The following SYT5 variants were observed in gnomAD, a reference collection of about 807,000 sequenced individuals.
SYT5 encodes synaptotagmin-5.
In SYT5, 29 loss-of-function variants were observed where a neutral mutation model predicts 36.0. That is an observed-to-expected ratio of 0.81 (90% CI 0.60 to 1.10). SYT5 has a LOEUF of 1.10. Ranked by LOEUF, SYT5 falls within the 50% of genes least tolerant of loss-of-function variation. The pLI is 0.00. For synonymous variants in SYT5, 231 were observed against 227.6 expected, an observed-to-expected ratio of 1.02 and a Z score of -0.14; for missense variants, 512 against 516.0, an observed-to-expected ratio of 0.99 and a Z score of 0.08.
rs1431436391 is a variant in SYT5 at position 55,175,648 on chromosome 19, C to G, written c.540+61G>C. ...CCAGGAAAAGCGGAAGGGGTCGGTC[C>G]CTAGTGTTCCAGGGACTGGGCACAG... On this transcript the variant is annotated intron_variant, in intron 5 of 8. Coordinates refer to ENST00000354308, the MANE Select transcript of SYT5 (RefSeq NM_003180.3). The surrounding 1 kb of genome is among the most constrained non-coding windows in gnomAD (Gnocchi z 4.5). The G allele has an allele frequency of 1.3e-5, 21 of 1,583,966 alleles. No individual in the cohort carries two copies. Among genetic ancestry groups the G allele is most frequent in the Non-Finnish European group, 1.8e-5 (21 of 1,162,610 alleles).
In SYT5 at chr19:55,173,606, C is replaced by G. The variant is rs762183194; in HGVS notation, c.1039G>C (p.Ala347Pro). The G allele has an allele frequency of 1.3e-6, 2 of 1,485,454 alleles. No homozygotes were observed. The highest frequency in any genetic ancestry group is 2.6e-5 in the South Asian group (2 of 76,934). The allele number at this position is 1,485,454 out of a possible 1,614,324, so 92.0% of individuals were successfully genotyped here. A position where few individuals can be genotyped will look rare whatever the true frequency, so the allele number is the denominator to read the frequency against. ...CGCAGGCCAGCCCCGCCGGCGGCCG[C>G]CCCCACGGCCACCCTCCCGATGGCC... is the stretch of plus-strand genomic sequence containing the variant. The part of the protein sequence containing the change: ...NEAIGRVAVG[A>P]AAGGAGLRHW... The change falls in exon 9 of 9, where the codon GCG becomes CCG. Residue 347 changes from alanine to proline, a missense_variant. By Grantham distance (27) the Ala-to-Pro change is conservative (BLOSUM62 -1). Transcript: ENST00000354308. The surrounding 1 kb of genome is among the most constrained non-coding windows in gnomAD (Gnocchi z 5.4).
Position 55,178,178 on chromosome 19 carries a change from G to A in SYT5, c.252+18C>T, listed in dbSNP as rs779382950. On this transcript the variant is annotated intron_variant, in intron 3 of 8. Coordinates refer to ENST00000354308, the MANE Select transcript of SYT5 (RefSeq NM_003180.3). Reference sequence around the variant, plus strand: ...GGTGCGGGAAGGGGCCAGGTGGAGGGGCTGGGCTGGGCCACACCTTGTCTA... The same window carrying A: ...GGTGCGGGAAGGGGCCAGGTGGAGGAGCTGGGCTGGGCCACACCTTGTCTA... 29 of 1,604,628 alleles carry A rather than the reference G, an allele frequency of 1.8e-5. No homozygotes were observed. In the East Asian group the frequency reaches 5.6e-4, roughly 31 times the overall value.
At position 55,175,804 on chromosome 19, in the gene SYT5, G is replaced by A. The variant is rs2086070149; in HGVS notation, c.445C>T (p.Arg149Trp). 1.2e-6 allele frequency: 2 copies of A among 1,614,138 alleles called. No individual in the cohort carries two copies. The highest frequency in any genetic ancestry group is 2.2e-5 in the East Asian group (1 of 44,872). ...CGTTTGTCCGGCAGCAGGTAGACCC[G>A]CACATAGGGGTCCGAGGAGCCACCA... is the stretch of plus-strand genomic sequence containing the variant. ...DLGGSSDPYV[R>W]VYLLPDKRRR... The change falls in exon 5 of 9, where the codon CGG (arginine) becomes TGG (tryptophan). Residue 149 changes from arginine to tryptophan, a missense_variant. Arg to Trp is a moderately radical substitution (Grantham distance 101). Coordinates refer to ENST00000354308, the MANE Select transcript of SYT5 (RefSeq NM_003180.3). This position sits in a 1 kb window ranked among gnomAD's most constrained non-coding sequence, Gnocchi z 4.5.
rs1210627028 is a variant in SYT5 at position 55,179,185 on chromosome 19, C to T, written c.-45-99G>A. ...TTTGCGCGAACAGCCGCGCAGAAAC[C>T]GGACAGCCACCGCGAGTCATGCTGG... On this transcript the variant is annotated intron_variant, in intron 1 of 8. Transcript: ENST00000354308. The surrounding 1 kb of genome is among the most constrained non-coding windows in gnomAD (Gnocchi z 4.5). 3.9e-6 allele frequency: 6 copies of T among 1,533,952 alleles called. No homozygotes were observed. In the Admixed American group the frequency reaches 1.2e-4, roughly 30 times the overall value.
chr19:55,173,509 C>T lies in SYT5; in HGVS notation c.1136G>A (p.Arg379Gln), dbSNP rs990595392. The T allele has an allele frequency of 2.9e-6, 4 of 1,378,040 alleles. No individual in the cohort carries two copies. The highest frequency in any genetic ancestry group is 7.5e-5 in the Admixed American group (2 of 26,646). 85.4% of individuals were successfully genotyped at this position (1,378,040 alleles called of 1,614,324 possible). The change falls in exon 9 of 9, where the codon CGA becomes CAA. Residue 379 changes from arginine (R) to glutamine (Q), a missense_variant. By Grantham distance (43) the Arg-to-Gln change is conservative (BLOSUM62 1). Coordinates refer to ENST00000354308, the MANE Select transcript of SYT5 (RefSeq NM_003180.3). The surrounding 1 kb of genome is among the most constrained non-coding windows in gnomAD (Gnocchi z 5.4). ...TCAGGGCGCAGGCAGCAGCCTCACTCGGTCCGGGGGCCGCAGCGAGTGCCA... is the reference window on the plus strand; with the variant it reads ...TCAGGGCGCAGGCAGCAGCCTCACTTGGTCCGGGGGCCGCAGCGAGTGCCA... ...AQWHSLRPPD[R>Q]VRLLPAP is the part of the protein sequence containing the mutation.
At position 55,173,946 on chromosome 19, in the gene SYT5, G is replaced by T. The variant is rs1367915797; in HGVS notation, c.961-262C>A. ...ACTCGGTTGCGGAGCGGGTGTGTTC[G>T]GCGCCTCCTGGGGGAGCAGCCTCCT... On this transcript the variant is annotated intron_variant, in intron 8 of 8. Coordinates refer to ENST00000354308, the MANE Select transcript of SYT5 (RefSeq NM_003180.3). This position sits in a 1 kb window ranked among gnomAD's most constrained non-coding sequence, Gnocchi z 5.4. The T allele has an allele frequency of 7.6e-6, 3 of 392,656 alleles. No homozygotes were observed. The highest frequency in any genetic ancestry group is 1.3e-5 in the Non-Finnish European group (3 of 223,822). 24.3% of individuals were successfully genotyped at this position (392,656 alleles called of 1,614,324 possible). A position where few individuals can be genotyped will look rare whatever the true frequency, so the allele number is the denominator to read the frequency against.
In SYT5 at chr19:55,175,072, G is replaced by A; in HGVS notation, c.709-73C>T. ...CCTCCTCAGGGGTACAATCCACGCCGCCCTGAGGGTCTGGAAAGCCTATGA... is the reference window on the plus strand; with the variant it reads ...CCTCCTCAGGGGTACAATCCACGCCACCCTGAGGGTCTGGAAAGCCTATGA... On this transcript the variant is annotated intron_variant, in intron 6 of 8. Coordinates refer to ENST00000354308, the MANE Select transcript of SYT5 (RefSeq NM_003180.3). The surrounding 1 kb of genome is among the most constrained non-coding windows in gnomAD (Gnocchi z 4.5). 3 of 1,595,308 alleles carry A rather than the reference G, an allele frequency of 1.9e-6. No homozygotes were observed. The highest frequency in any genetic ancestry group is 1.1e-5 in the South Asian group (1 of 90,160).
At position 55,171,813 on chromosome 19, in the gene SYT5, T is replaced by G. The variant is rs962628539; in HGVS notation, c.*1671A>C. The G allele has an allele frequency of 2.0e-5, 3 of 151,948 alleles. No homozygotes were observed. The highest frequency in any genetic ancestry group is 7.3e-5 in the African/African-American group (3 of 41,320). 9.4% of individuals were successfully genotyped at this position (151,948 alleles called of 1,614,324 possible). A position where few individuals can be genotyped will look rare whatever the true frequency, so the allele number is the denominator to read the frequency against. The stretch of plus-strand genomic sequence containing the variant: ...AAGAAAAGAAAAGAAAAGAAAAAAT[T>G]AGCTAGGCATGGTTGCATGTGCCTG... On this transcript the variant is annotated 3_prime_UTR_variant, in exon 9 of 9. Coordinates refer to ENST00000354308, the MANE Select transcript of SYT5 (RefSeq NM_003180.3).
chr19:55,174,488 C>G (rs199548402), intron 8 of SYT5, 29 bp downstream of exon 8: 1 of 1,610,070 alleles, frequency 6.2e-7, no homozygotes, highest in Non-Finnish European at 8.5e-7. Context: ...AAGGTCTGGG[C>G]TCTTGGAGAA....
chr19:55,174,462 G>A, intron 8 of SYT5, 55 bp downstream of exon 8: 1 of 1,589,942 alleles, frequency 6.3e-7, no homozygotes, highest in Non-Finnish European at 8.6e-7. Flanking sequence ...CCTCCGCCTA[G>A]CAATGGCGAT....
In SYT5 at chr19:55,175,569, G is replaced by C. The variant is rs2086066569; in HGVS notation, c.540+140C>G. 8.1e-6 allele frequency: 10 copies of C among 1,227,038 alleles called. No homozygotes were observed. The highest frequency in any genetic ancestry group is 2.9e-4 in the Middle Eastern group (1 of 3,478). The allele number at this position is 1,227,038 out of a possible 1,614,324, so 76.0% of individuals were successfully genotyped here. A position where few individuals can be genotyped will look rare whatever the true frequency, so the allele number is the denominator to read the frequency against. The stretch of plus-strand genomic sequence containing the variant: ...CAGCCCAGGAGTCAGTAGTGCCCAG[G>C]GTCCAGTGGAATAGCCCCAGAGCTG... On this transcript the variant is annotated intron_variant, in intron 5 of 8. Coordinates refer to ENST00000354308, the MANE Select transcript of SYT5 (RefSeq NM_003180.3). This position sits in a 1 kb window ranked among gnomAD's most constrained non-coding sequence, Gnocchi z 4.5.
At position 55,173,520 on chromosome 19, in the gene SYT5, C is replaced by G; in HGVS notation, c.1125G>C (p.Arg375=). 3 of 1,406,652 alleles carry G rather than the reference C, an allele frequency of 2.1e-6. No individual in the cohort carries two copies. In the South Asian group the frequency reaches 4.7e-5, roughly 22 times the overall value. The allele number at this position is 1,406,652 out of a possible 1,614,324, so 87.1% of individuals were successfully genotyped here. Residue 375 remains arginine, a synonymous_variant, in exon 9 of 9, where the codon CGG becomes CGC. Coordinates refer to ENST00000354308, the MANE Select transcript of SYT5 (RefSeq NM_003180.3). This position sits in a 1 kb window ranked among gnomAD's most constrained non-coding sequence, Gnocchi z 5.4. The part of the protein sequence containing the change: ...RRPIAQWHSL[R]PPDRVRLLPA... ...GCAGCAGCCTCACTCGGTCCGGGGG[C>G]CGCAGCGAGTGCCACTGGGCAATGG...
Position 55,176,124 on chromosome 19 carries a change from C to A in SYT5, c.253G>T (p.Val85Leu). The A allele has an allele frequency of 1.9e-6, 3 of 1,614,036 alleles. No individual in the cohort carries two copies. The highest frequency in any genetic ancestry group is 2.5e-6 in the Non-Finnish European group (3 of 1,180,034). ...TCCAGCTCCTCTACTTCTGGCTGCA[C>A]CTTAAGGAGCCAGGGGTAAGGGTGG... ...KGLGQSYIDK[V>L]QPEVEELEPA... Residue 85 changes from valine to leucine, a missense_variant and splice_region_variant, in exon 4 of 9, where the codon GTG (valine) becomes TTG (leucine). Physicochemically the swap from Val to Leu is conservative, Grantham distance 32. Coordinates refer to ENST00000354308, the MANE Select transcript of SYT5 (RefSeq NM_003180.3).
chr19:55,174,481 G>C (rs746742203), intron 8 of SYT5, 36 bp downstream of exon 8: 87 of 1,609,166 alleles, frequency 5.4e-5, no homozygotes, highest in Non-Finnish European at 7.3e-5. Flanking sequence ...ATTACTAAAG[G>C]TCTGGGCTCT....
chr19:55,175,485 A>G lies in SYT5; in HGVS notation c.541-146T>C, dbSNP rs1020289460. On this transcript the variant is annotated intron_variant, in intron 5 of 8. Transcript: ENST00000354308. This position sits in a 1 kb window ranked among gnomAD's most constrained non-coding sequence, Gnocchi z 4.5. ...CTCAAATGGGAAAGTCCAGGGATCC[A>G]TGCGGAAAAAAATCACGGGTCAGTG... 3 of 1,129,564 alleles carry G rather than the reference A, an allele frequency of 2.7e-6. No individual in the cohort carries two copies. Among genetic ancestry groups the G allele is most frequent in the Non-Finnish European group, 3.7e-6 (3 of 817,580 alleles). The allele number at this position is 1,129,564 out of a possible 1,614,324, so 70.0% of individuals were successfully genotyped here. A position where few individuals can be genotyped will look rare whatever the true frequency, so the allele number is the denominator to read the frequency against.
rs781199324 is a variant in SYT5 at position 55,174,543 on chromosome 19, A to G, written c.934T>C (p.Phe312Leu). The change falls in exon 8 of 9, where the codon TTC (phenylalanine) becomes CTC (leucine). Residue 312 changes from phenylalanine to leucine, a missense_variant. Phe to Leu is a conservative substitution (Grantham distance 22). Coordinates refer to ENST00000354308, the MANE Select transcript of SYT5 (RefSeq NM_003180.3). ...TGGACTTGGTCACAGGGCACCTCGA[A>G]GCTGAAAGCTTCGTTGTAATAGGGG... is the stretch of plus-strand genomic sequence containing the variant. ...LNPYYNEAFS[F>L]EVPCDQVQKV... The G allele has an allele frequency of 1.2e-6, 2 of 1,614,062 alleles. No homozygotes were observed. Among genetic ancestry groups the G allele is most frequent in the Non-Finnish European group, 1.7e-6 (2 of 1,179,964 alleles).
Position 55,174,531 on chromosome 19 carries a change from A to C in SYT5, c.946T>G (p.Cys316Gly), listed in dbSNP as rs1468651055. The part of the protein sequence containing the change: ...YNEAFSFEVP[C>G]DQVQKVQVEL... ...TTTGAGCTCACCTGGACTTGGTCAC[A>C]GGGCACCTCGAAGCTGAAAGCTTCG... Residue 316 changes from cysteine to glycine, a missense_variant, in exon 8 of 9, where the codon TGT becomes GGT. Coordinates refer to ENST00000354308, the MANE Select transcript of SYT5 (RefSeq NM_003180.3). 1 of 1,614,110 alleles carries C rather than the reference A, an allele frequency of 6.2e-7. No individual in the cohort carries two copies. The highest frequency in any genetic ancestry group is 2.2e-5 in the East Asian group (1 of 44,874).
chr19:55,174,278 G>A (rs932228865), intron 8 of SYT5, among the ~76,000 whole-genome samples: 14 of 151,788 alleles, frequency 9.2e-5, no homozygotes, highest in African/African-American at 3.4e-4. Flanking sequence ...ATCTGGTACT[G>A]CTTAGGGGTG....
Position 55,175,677 on chromosome 19 carries a change from A to G in SYT5, c.540+32T>C, listed in dbSNP as rs777275421. The G allele has an allele frequency of 1.9e-6, 3 of 1,609,826 alleles. No homozygotes were observed. The East Asian group carries it at 6.7e-5, about 36-fold the overall frequency. The stretch of plus-strand genomic sequence containing the variant: ...GTGTTCCAGGGACTGGGCACAGGCT[A>G]TGGAACACGGGGCCTGAAGGCAGGA... On this transcript the variant is annotated intron_variant, in intron 5 of 8. Transcript: ENST00000354308. The surrounding 1 kb of genome is among the most constrained non-coding windows in gnomAD (Gnocchi z 4.5).
Sources: allele counts gnomAD v4.1 joint callset (sites outside exome capture counted in the v4.1 genomes callset), GRCh38; gene constraint gnomAD v4.1.1; non-coding constraint Gnocchi (gnomAD v3.1); transcripts MANE v1.5; gene names NCBI Gene and HGNC (gene_info 2026-07-23, HGNC 2026-07-21).